Variants in FEZ1 observed in about 807,000 individuals in gnomAD.
FEZ1 encodes the protein fasciculation and elongation protein zeta-1.
Under a neutral mutation model 49.3 loss-of-function variants are expected in FEZ1, and 20 were observed. The observed-to-expected ratio is 0.41, with a 90% CI of 0.29 to 0.59. The LOEUF (loss-of-function observed/expected upper bound fraction) is 0.59, where lower values mean the gene tolerates loss of function less well. Among genes scored for constraint, FEZ1 ranks in the 20% least tolerant of loss-of-function variants. FEZ1 has a pLI of 0.36. For missense variants in FEZ1, 413 were observed against 476.0 expected, an observed-to-expected ratio of 0.87 and a Z score of 1.23; for synonymous variants, 170 against 180.9, an observed-to-expected ratio of 0.94 and a Z score of 0.48.
chr11:125,471,917 T>C (rs1957186558), intron 3 of FEZ1, among the ~76,000 whole-genome samples: 1 of 152,138 alleles, frequency 6.6e-6, no homozygotes. Flanking sequence ...ACAAAGTATG[T>C]TCTCTGACAA....
At chr11:125,450,086 G>A (rs1591578958) in intron 8 of FEZ1, among the ~76,000 whole-genome samples, 1 of 151,138 alleles carries the variant, frequency 6.6e-6, no homozygotes, top group Non-Finnish European at 1.5e-5. Flanking sequence ...GGAGTGCAGT[G>A]GTGCGATCTC....
chr11:125,450,138 C>A (rs1956941263), intron 8 of FEZ1, among the ~76,000 whole-genome samples: 1 of 152,022 alleles, frequency 6.6e-6, no homozygotes, highest in Non-Finnish European at 1.5e-5. Context: ...AGCGATTCTC[C>A]TGCCTCAGCC....
intron 7 of FEZ1, chr11:125,452,763 T>C (rs752975797): frequency 5.1e-6 from 1 of 195,576 alleles, no homozygotes; most frequent in Non-Finnish European, 1.0e-5. Context: ...AAGGAATTGT[T>C]TGTCTTTTGT....
At chr11:125,488,887 A>T in intron 2 of FEZ1, 2 of 985,404 alleles carry the variant, frequency 2.0e-6, no homozygotes, top group East Asian at 2.3e-4. Flanking sequence ...CGAGCAAGTG[A>T]TACAAGGAAT....
Position 125,452,406 on chromosome 11 carries a change from G to T in FEZ1, c.1024C>A (p.Leu342Met). Residue 342 changes from leucine (L) to methionine (M), a missense_variant, in exon 8 of 10, where the codon CTG (leucine) becomes ATG (methionine). Physicochemically the swap from Leu to Met is conservative, Grantham distance 15. Coordinates refer to ENST00000278919, the MANE Select transcript of FEZ1 (RefSeq NM_005103.5). ...TTCTCGTAAGGAATGACTGTGTTCA[G>T]ATACTGCAAGACAAACAGCATGCAG... is the stretch of plus-strand genomic sequence containing the variant. Reference protein sequence around the residue: ...FGSSGTDKQYLNTVIPYEKKA... With the variant: ...FGSSGTDKQYMNTVIPYEKKA... 6.2e-7 allele frequency: 1 copy of T among 1,609,678 alleles called. No individual in the cohort carries two copies. Among genetic ancestry groups the T allele is most frequent in the Non-Finnish European group, 8.5e-7 (1 of 1,175,928 alleles).
At chr11:125,482,808 A>G (rs1295952488) in intron 2 of FEZ1, among the ~76,000 whole-genome samples, 1 of 151,888 alleles carries the variant, frequency 6.6e-6, no homozygotes, top group Non-Finnish European at 1.5e-5. Context: ...TACAAAAAAT[A>G]CAAAAATTAA....
intron 4 of FEZ1, among the ~76,000 whole-genome samples, chr11:125,461,235 C>A (rs932307528): frequency 2.0e-5 from 3 of 152,056 alleles, no homozygotes; most frequent in Non-Finnish European, 2.9e-5. Context: ...GATAAGAACC[C>A]CAGCTCTAAT....
chr11:125,476,387 T>G (rs1301177875), intron 3 of FEZ1, among the ~76,000 whole-genome samples: 1 of 152,172 alleles, frequency 6.6e-6, no homozygotes, highest in East Asian at 1.9e-4. Context: ...GCAAATTAAT[T>G]TATGAAATTC....
chr11:125,474,323 C>T (rs1957210175), intron 3 of FEZ1, among the ~76,000 whole-genome samples: 1 of 151,286 alleles, frequency 6.6e-6, no homozygotes, highest in Admixed American at 6.6e-5. Flanking sequence ...CAGACATGAG[C>T]TACCACGCCC....
Position 125,455,982 on chromosome 11 carries a change from C to T in FEZ1, c.792G>A (p.Lys264=), listed in dbSNP as rs1957006902. The change falls in exon 6 of 10, where the codon AAG becomes AAA. Residue 264 remains lysine (K), a synonymous_variant. Coordinates refer to ENST00000278919, the MANE Select transcript of FEZ1 (RefSeq NM_005103.5). ...LARRDELEFE[K]EVKNSFITVL... ...CCGTGATAAAGGAGTTCTTCACTTC[C>T]TTCTCAAACTCCAGCTCGTCCCGGC... The T allele has an allele frequency of 1.9e-6, 3 of 1,613,658 alleles. No individual in the cohort carries two copies. Among genetic ancestry groups the T allele is most frequent in the Non-Finnish European group, 2.5e-6 (3 of 1,180,004 alleles).
At chr11:125,494,889 C>T (rs928742982) in intron 1 of FEZ1, among the ~76,000 whole-genome samples, 1 of 152,128 alleles carries the variant, frequency 6.6e-6, no homozygotes, top group African/African-American at 2.4e-5. Flanking sequence ...GGCCTCGGCA[C>T]CTCCACACAA....
rs60651523 is a variant in FEZ1 at position 125,444,814 on chromosome 11, G to A, written c.*1281C>T. ...ACTCTACCACTTCCTACACAGCCTT[G>A]GGCGAGCTACTGAACATCTCTGCTG... On this transcript the variant is annotated 3_prime_UTR_variant, in exon 10 of 10. Coordinates refer to ENST00000278919, the MANE Select transcript of FEZ1 (RefSeq NM_005103.5). 4.9e-3 allele frequency among the ~76,000 whole-genome samples: 739 copies of A among 152,276 alleles called. 7 individuals are homozygous for A. Among genetic ancestry groups the A allele is most frequent in the African/African-American group, 0.017 (688 of 41,558 alleles).
chr11:125,471,674 T>C (rs1469368784), intron 3 of FEZ1, among the ~76,000 whole-genome samples: 2 of 152,022 alleles, frequency 1.3e-5, no homozygotes, highest in Non-Finnish European at 2.9e-5. Flanking sequence ...TGGTTGGAGA[T>C]TTTAATAAAC....
At chr11:125,492,579 G>A (rs992598221) in intron 1 of FEZ1, among the ~76,000 whole-genome samples, 1 of 152,190 alleles carries the variant, frequency 6.6e-6, no homozygotes, top group East Asian at 1.9e-4. Flanking sequence ...GCAGTACTCT[G>A]TGATGGCTAA....
intron 9 of FEZ1, among the ~76,000 whole-genome samples, chr11:125,447,066 A>T (rs958607822): frequency 2.0e-5 from 3 of 152,214 alleles, no homozygotes; most frequent in African/African-American, 7.2e-5. Context: ...CAATAAAATA[A>T]TAGATCTAGA....
chr11:125,460,697 C>G lies in FEZ1; in HGVS notation c.499-31G>C, dbSNP rs767654767. On this transcript the variant is annotated intron_variant, in intron 4 of 9. Transcript: ENST00000278919. ...GAAGGTACACGAGAGAGTGCTAACT[C>G]TGTTCTCTGCTAGAGGGGCATTCTG... 2.5e-6 allele frequency: 4 copies of G among 1,601,908 alleles called. No individual in the cohort carries two copies. The East Asian group carries it at 6.7e-5, about 27-fold the overall frequency.
At position 125,443,157 on chromosome 11, in the gene FEZ1, G is replaced by A. The variant is rs1412408735; in HGVS notation, c.*2938C>T. 1.3e-5 allele frequency among the ~76,000 whole-genome samples: 2 copies of A among 152,146 alleles called. No homozygotes were observed. The highest frequency in any genetic ancestry group is 4.8e-5 in the African/African-American group (2 of 41,436). Reference sequence around the variant, plus strand: ...AGACAGACCTCTGACCTACCTAGGAGGGCTCCCTGCAGACCGTGGCTCTCT... The same window carrying A: ...AGACAGACCTCTGACCTACCTAGGAAGGCTCCCTGCAGACCGTGGCTCTCT... On this transcript the variant is annotated 3_prime_UTR_variant, in exon 10 of 10. Transcript: ENST00000278919.
chr11:125,479,956 A>T (rs1565301708), intron 3 of FEZ1, among the ~76,000 whole-genome samples: 1 of 152,198 alleles, frequency 6.6e-6, no homozygotes, highest in Non-Finnish European at 1.5e-5. Flanking sequence ...GGCCTTTGCA[A>T]ATCAACTCAA....
At chr11:125,481,762 A>C in intron 2 of FEZ1, 129 bp from the exon 3 acceptor site, 1 of 717,488 alleles carries the variant, frequency 1.4e-6, no homozygotes, top group South Asian at 1.5e-5. Flanking sequence ...GCCTTCCAGC[A>C]TGCAGGGGCA....
Sources: gnomAD v4.1 joint callset for allele counts (sites outside exome capture counted in the v4.1 genomes callset) on GRCh38, gnomAD v4.1.1 for gene constraint, MANE v1.5 for transcripts, NCBI Gene and HGNC (gene_info 2026-07-23, HGNC 2026-07-21) for gene names.